SUMF1: variants seen among roughly 807,000 people sequenced by gnomAD.
The protein encoded by SUMF1 is sulfatase modifying factor 1.
A neutral mutation model predicts 47.6 loss-of-function variants in SUMF1; 48 were observed. The observed-to-expected ratio is 1.01, with a 90% CI of 0.80 to 1.28. The LOEUF (loss-of-function observed/expected upper bound fraction) is 1.28. Ranked by LOEUF, SUMF1 falls within the 50% of genes most tolerant of loss-of-function variation. The pLI, the probability that SUMF1 is intolerant of heterozygous loss-of-function variation, is 0.00. For missense variants in SUMF1, 571 were observed against 485.4 expected (o/e 1.18, Z -1.66); for synonymous variants, 230 against 192.1 (o/e 1.20, Z -1.63).
At chr3:4,428,283 G>T (rs1702128630) in intron 3 of SUMF1, among the ~76,000 whole-genome samples, 2 of 151,940 alleles carry the variant, frequency 1.3e-5, no homozygotes, top group South Asian at 4.2e-4. Context: ...AATATTAGCA[G>T]AACATATATT....
intron 8 of SUMF1, among the ~76,000 whole-genome samples, chr3:4,134,247 A>G (rs143176897): frequency 0.014 from 2,061 of 152,250 alleles, 31 homozygotes; most frequent in Non-Finnish European, 0.021. Context: ...ATGTAAAAGA[A>G]CAGAAATTAT....
At chr3:4,377,465 G>A (rs1196575276) in intron 7 of SUMF1, among the ~76,000 whole-genome samples, 1 of 152,150 alleles carries the variant, frequency 6.6e-6, no homozygotes, top group African/African-American at 2.4e-5. Context: ...GGCACAGTCA[G>A]GCAGCCTTGC....
At chr3:4,396,668 G>A (rs1321491810) in intron 7 of SUMF1, among the ~76,000 whole-genome samples, 1 of 152,114 alleles carries the variant, frequency 6.6e-6, no homozygotes, top group East Asian at 1.9e-4. Context: ...CTTCCTTCAA[G>A]GAACTTCCCA....
chr3:4,241,319 A>T (rs1687656453), intron 8 of SUMF1, among the ~76,000 whole-genome samples: 1 of 152,134 alleles, frequency 6.6e-6, no homozygotes, highest in South Asian at 2.1e-4. Context: ...AGGGGCTACC[A>T]AATAAAACTT....
chr3:4,051,130 A>G (rs200374350), intron 9 of SUMF1, among the ~76,000 whole-genome samples: 31 of 99,428 alleles, frequency 3.1e-4, no homozygotes, highest in East Asian at 1.2e-3. Context: ...CAAAAAAAAG[A>G]AAAAAAAAAA....
At chr3:4,174,510 C>T (rs949687253) in intron 8 of SUMF1, among the ~76,000 whole-genome samples, 3 of 150,816 alleles carry the variant, frequency 2.0e-5, no homozygotes, top group African/African-American at 7.3e-5. Context: ...TCAAAGCCAG[C>T]CTGGGCAACA....
At chr3:4,072,042 G>C (rs1695539501) in intron 8 of SUMF1, among the ~76,000 whole-genome samples, 1 of 152,140 alleles carries the variant, frequency 6.6e-6, no homozygotes, top group African/African-American at 2.4e-5. Context: ...ATACAAGAGA[G>C]CACTGCTTGG....
At chr3:4,341,013 C>CGTGCT (rs1559233346) in intron 8 of SUMF1, among the ~76,000 whole-genome samples, 2 of 151,852 alleles carry the variant, frequency 1.3e-5, no homozygotes, top group Admixed American at 6.6e-5. Flanking sequence ...AGGAGATATA[C>CGTGCT]GTGCTGTAGC....
At chr3:4,367,276 G>A (rs1196276741) in intron 8 of SUMF1, among the ~76,000 whole-genome samples, 1 of 152,184 alleles carries the variant, frequency 6.6e-6, no homozygotes, top group Admixed American at 6.5e-5. Context: ...ATTTAAGTCT[G>A]CAGAGGTTAC....
intron 8 of SUMF1, among the ~76,000 whole-genome samples, chr3:4,107,611 T>C (rs931698478): frequency 6.6e-6 from 1 of 152,138 alleles, no homozygotes; most frequent in Non-Finnish European, 1.5e-5. Context: ...TGACATTCAA[T>C]GATCAGCCAT....
At chr3:4,179,547 A>T (rs1695045752) in intron 8 of SUMF1, among the ~76,000 whole-genome samples, 1 of 152,214 alleles carries the variant, frequency 6.6e-6, no homozygotes, top group African/African-American at 2.4e-5. Context: ...AAGATGGATT[A>T]AAGACTTAAA....
chr3:4,074,632 C>T (rs536372010), intron 8 of SUMF1, among the ~76,000 whole-genome samples: 8 of 151,836 alleles, frequency 5.3e-5, no homozygotes, highest in South Asian at 2.1e-4. Context: ...ATCAAATAGA[C>T]CCAATAAAAA....
At chr3:4,135,041 G>C (rs1693892214) in intron 8 of SUMF1, among the ~76,000 whole-genome samples, 1 of 152,094 alleles carries the variant, frequency 6.6e-6, no homozygotes, top group Admixed American at 6.5e-5. Flanking sequence ...TCTACCAGAG[G>C]TACACGGAGG....
chr3:4,324,297 C>A (rs900572330), intron 8 of SUMF1, among the ~76,000 whole-genome samples: 1 of 152,000 alleles, frequency 6.6e-6, no homozygotes, highest in African/African-American at 2.4e-5. Context: ...AGAATACCAA[C>A]TATGTGAAAA....
intron 8 of SUMF1, among the ~76,000 whole-genome samples, chr3:4,152,786 C>A (rs565679442): frequency 1.3e-5 from 2 of 151,698 alleles, no homozygotes; most frequent in South Asian, 4.1e-4. Flanking sequence ...CTGCACCCAA[C>A]CCCACCTCTC....
intron 8 of SUMF1, among the ~76,000 whole-genome samples, chr3:4,253,446 C>T (rs1330998277): frequency 2.0e-5 from 3 of 152,184 alleles, no homozygotes; most frequent in East Asian, 1.9e-4. Flanking sequence ...ATTGCCTCAC[C>T]TGGGAAGCAC....
intron 8 of SUMF1, among the ~76,000 whole-genome samples, chr3:4,131,237 T>C (rs1450181328): frequency 6.6e-6 from 1 of 152,180 alleles, no homozygotes; most frequent in Non-Finnish European, 1.5e-5. Context: ...GGTATATTCA[T>C]GACTGGGCTA....
chr3:4,434,437 A>C (rs1432371831), intron 3 of SUMF1, among the ~76,000 whole-genome samples: 5 of 152,256 alleles, frequency 3.3e-5, no homozygotes, highest in African/African-American at 1.2e-4. Context: ...GTAGCTTGGC[A>C]GAATGCTATA....
chr3:4,316,343 T>C lies in SUMF1; in HGVS notation c.1014+59987A>G, dbSNP rs563235189. On this transcript the variant is annotated intron_variant and NMD_transcript_variant, in intron 8 of 12. Transcript: ENST00000448413. ...TTGGCCCAGGAACTGCTAACGAACGTACAGTGCAGTGGTGGTTCAAGAAGT... is the reference window on the plus strand; with the variant it reads ...TTGGCCCAGGAACTGCTAACGAACGCACAGTGCAGTGGTGGTTCAAGAAGT... 4.8e-5 allele frequency: 70 copies of C among 1,455,880 alleles called. 1 individual carries two copies. The African/African-American group carries it at 8.4e-4, about 18-fold the overall frequency. 90.2% of individuals were successfully genotyped at this position (1,455,880 alleles called of 1,614,324 possible).
Sources: allele counts gnomAD v4.1 joint callset (sites outside exome capture counted in the v4.1 genomes callset), GRCh38; gene constraint gnomAD v4.1.1; transcripts MANE v1.5; gene names NCBI Gene and HGNC (gene_info 2026-07-23, HGNC 2026-07-21).